Variants in EIF3H observed in about 807,000 individuals in gnomAD.
The protein encoded by EIF3H is eukaryotic translation initiation factor 3 subunit H.
A neutral mutation model predicts 44.2 loss-of-function variants in EIF3H; 26 were observed. That is an observed-to-expected ratio of 0.59 (90% CI 0.43 to 0.82). EIF3H has a LOEUF of 0.82. EIF3H is among the 40% of genes least tolerant of loss of function. EIF3H has a pLI of 0.00. For missense variants in EIF3H, 359 were observed against 432.8 expected (o/e 0.83, Z 1.51); for synonymous variants, 166 against 151.9 (o/e 1.09, Z -0.68).
intron 2 of EIF3H, among the ~76,000 whole-genome samples, chr8:116,676,750 T>C (rs1813854847): frequency 6.6e-6 from 1 of 152,240 alleles, no homozygotes; most frequent in Admixed American, 6.5e-5. Flanking sequence ...AAGCCCCTTC[T>C]TTCTAGAAAC....
intron 1 of EIF3H, among the ~76,000 whole-genome samples, chr8:116,752,873 A>T (rs1257980897): frequency 6.6e-6 from 1 of 151,750 alleles, no homozygotes; most frequent in East Asian, 1.9e-4. Context: ...AGAGAAGAGA[A>T]GAGTTTAAGG....
chr8:116,728,112 G>A (rs1304429192), intron 1 of EIF3H, among the ~76,000 whole-genome samples: 2 of 152,026 alleles, frequency 1.3e-5, no homozygotes, highest in Non-Finnish European at 2.9e-5. Context: ...AAATGTCTGT[G>A]TACTGATCAT....
intron 2 of EIF3H, among the ~76,000 whole-genome samples, chr8:116,708,111 G>A (rs1814501614): frequency 6.6e-6 from 1 of 151,930 alleles, no homozygotes; most frequent in Non-Finnish European, 1.5e-5. Flanking sequence ...AAACAAAAAG[G>A]CTGTTGATTG....
chr8:116,719,699 G>T (rs1378462172), intron 2 of EIF3H, among the ~76,000 whole-genome samples: 2 of 152,078 alleles, frequency 1.3e-5, no homozygotes, highest in East Asian at 3.8e-4. Context: ...GAATATATGG[G>T]TTAGGTGAAA....
chr8:116,702,371 T>C (rs1464179507), intron 2 of EIF3H, among the ~76,000 whole-genome samples: 3 of 152,218 alleles, frequency 2.0e-5, no homozygotes, highest in Non-Finnish European at 2.9e-5. Flanking sequence ...ACATATATCA[T>C]ATCAACCTAG....
At chr8:116,651,309 G>C (rs952930787) in intron 5 of EIF3H, among the ~76,000 whole-genome samples, 4 of 152,192 alleles carry the variant, frequency 2.6e-5, no homozygotes, top group Admixed American at 2.6e-4. Flanking sequence ...TTATTTGATA[G>C]GAGGCATCAG....
At chr8:116,739,618 C>G (rs1268816152) in intron 1 of EIF3H, among the ~76,000 whole-genome samples, 1 of 152,194 alleles carries the variant, frequency 6.6e-6, no homozygotes, top group Non-Finnish European at 1.5e-5. Flanking sequence ...CCACTGCACT[C>G]CAGCCTGGGC....
intron 2 of EIF3H, 67 bp downstream of exon 2, chr8:116,725,949 T>C (rs1214451468): frequency 6.7e-7 from 1 of 1,502,406 alleles, no homozygotes. Context: ...TCAAAAGTTA[T>C]GGTGAGACCT....
rs1002588865 is a variant in EIF3H at position 116,648,850 on chromosome 8, T to C, written c.784A>G (p.Thr262Ala). 26 of 1,611,800 alleles carry C rather than the reference T, an allele frequency of 1.6e-5. No individual in the cohort carries two copies. The highest frequency in any genetic ancestry group is 2.1e-5 in the Non-Finnish European group (25 of 1,178,972). Residue 262 changes from threonine to alanine, a missense_variant, in exon 6 of 8, where the codon ACA becomes GCA. Transcript: ENST00000521861. The stretch of plus-strand genomic sequence containing the variant: ...TGTTTACTAGTATTCCTCATGTATG[T>C]GTTGTATTTAACTATATCTTGGCTC... The part of the protein sequence containing the change: ...EMSQDIVKYN[T>A]YMRNTSKQQQ...
At chr8:116,666,991 T>C (rs1813681518) in intron 2 of EIF3H, among the ~76,000 whole-genome samples, 1 of 152,222 alleles carries the variant, frequency 6.6e-6, no homozygotes, top group Non-Finnish European at 1.5e-5. Context: ...GTACACGCTC[T>C]GCCCCATTCA....
chr8:116,715,895 CTT>C (rs5894348), intron 2 of EIF3H, among the ~76,000 whole-genome samples: 67,076 of 151,730 alleles, frequency 0.44, 18,657 homozygotes, highest in Non-Finnish European at 0.62. Context: ...TTTTTCTACT[CTT>C]TTTTGTTTGA....
At chr8:116,728,646 C>T (rs1161179371) in intron 1 of EIF3H, among the ~76,000 whole-genome samples, 1 of 152,036 alleles carries the variant, frequency 6.6e-6, no homozygotes, top group Non-Finnish European at 1.5e-5. Context: ...GATTGGCAGA[C>T]CTTCAATACT....
Position 116,673,244 on chromosome 8 carries a change from T to C in EIF3H, c.290-14264A>G, listed in dbSNP as rs531154940. Among the ~76,000 whole-genome samples the C allele has an allele frequency of 4.6e-5, 7 of 152,224 alleles. No individual in the cohort carries two copies. In the East Asian group the frequency reaches 1.4e-3, roughly 29 times the overall value. ...TTGGTCACTGCCGGAGGATCCTAGA[T>C]ATATAAACAAAATAGAGACTCCAAA... On this transcript the variant is annotated intron_variant, in intron 2 of 7. Transcript: ENST00000521861.
At chr8:116,680,254 C>G (rs201357298) in intron 2 of EIF3H, among the ~76,000 whole-genome samples, 2 of 39,650 alleles carry the variant, frequency 5.0e-5, no homozygotes, top group African/African-American at 7.0e-5. Context: ...AGGTGAGGGG[C>G]GCTTCTGCCC....
intron 2 of EIF3H, among the ~76,000 whole-genome samples, chr8:116,688,909 G>A (rs1183780704): frequency 6.6e-6 from 1 of 152,092 alleles, no homozygotes; most frequent in Non-Finnish European, 1.5e-5. Context: ...TTCCTAAAGG[G>A]ATTGTATGTA....
chr8:116,749,779 C>T (rs1405882351), intron 1 of EIF3H, among the ~76,000 whole-genome samples: 1 of 37,278 alleles, frequency 2.7e-5, no homozygotes, highest in Non-Finnish European at 6.3e-5. Flanking sequence ...TATAACTTTG[C>T]TCCTCCAAAT....
chr8:116,742,740 G>C (rs1163315432), intron 1 of EIF3H, among the ~76,000 whole-genome samples: 1 of 152,194 alleles, frequency 6.6e-6, no homozygotes, highest in Non-Finnish European at 1.5e-5. Context: ...AGTGCAGAAG[G>C]AAACATGTAT....
At chr8:116,662,912 A>G (rs1813605635) in intron 2 of EIF3H, among the ~76,000 whole-genome samples, 1 of 152,156 alleles carries the variant, frequency 6.6e-6, no homozygotes, top group African/African-American at 2.4e-5. Context: ...CTGGATGAAC[A>G]CCCTTGCTTT....
chr8:116,711,662 A>G (rs1814573313), intron 2 of EIF3H, among the ~76,000 whole-genome samples: 1 of 152,238 alleles, frequency 6.6e-6, no homozygotes, highest in East Asian at 1.9e-4. Flanking sequence ...TACATTCAGA[A>G]TGACTTTGAA....
Sources: allele counts gnomAD v4.1 joint callset (sites outside exome capture counted in the v4.1 genomes callset), GRCh38; gene constraint gnomAD v4.1.1; transcripts MANE v1.5; gene names NCBI Gene and HGNC (gene_info 2026-07-23, HGNC 2026-07-21).